The following TRPM3 variants were observed in gnomAD, a reference collection of about 807,000 sequenced individuals.
TRPM3 encodes long transient receptor potential channel 3.
Under a neutral mutation model 181.2 loss-of-function variants are expected in TRPM3, and 77 were observed. That is an observed-to-expected ratio of 0.42 (90% CI 0.35 to 0.51). The LOEUF (loss-of-function observed/expected upper bound fraction) is 0.51. TRPM3 is among the 20% of genes least tolerant of loss of function. The probability of loss-of-function intolerance (pLI) is 0.01; values close to 1 mark genes in which losing one functional copy is unlikely to be tolerated. For synonymous variants in TRPM3, 745 were observed against 796.4 expected, an observed-to-expected ratio of 0.94 and a Z score of 1.09; for missense variants, 1,759 against 2,196.7, an observed-to-expected ratio of 0.80 and a Z score of 3.98.
chr9:70,681,705 G>A (rs2065482096), intron 8 of TRPM3, 127 bp from the exon 9 acceptor site: 5 of 785,796 alleles, frequency 6.4e-6, no homozygotes, highest in South Asian at 1.6e-5. Flanking sequence ...CACAGGGTAA[G>A]CACACATAAC....
intron 1 of TRPM3, among the ~76,000 whole-genome samples, chr9:71,096,602 T>A (rs1451550709): frequency 9.4e-5 from 14 of 148,380 alleles, no homozygotes; most frequent in African/African-American, 1.5e-4. Context: ...TCTCTCTCTC[T>A]CTCTCTCTCT....
intron 1 of TRPM3, among the ~76,000 whole-genome samples, chr9:71,051,618 T>G (rs2060072004): frequency 6.6e-6 from 1 of 152,108 alleles, no homozygotes; most frequent in African/African-American, 2.4e-5. Context: ...GGTTATATAG[T>G]CTTATTGTAC....
chr9:70,660,752 C>T (rs2133923247), intron 9 of TRPM3, among the ~76,000 whole-genome samples: 1 of 151,682 alleles, frequency 6.6e-6, no homozygotes, highest in Non-Finnish European at 1.5e-5. Context: ...AAATAGAAAC[C>T]CTGAAAAGAC....
At chr9:71,049,196 C>T (rs769440334) in intron 1 of TRPM3, among the ~76,000 whole-genome samples, 1 of 151,962 alleles carries the variant, frequency 6.6e-6, no homozygotes, top group Non-Finnish European at 1.5e-5. Flanking sequence ...ATTGACTTAC[C>T]TTTATTATTA....
intron 20 of TRPM3, among the ~76,000 whole-genome samples, chr9:70,599,481 T>C (rs945485993): frequency 1.3e-5 from 2 of 152,196 alleles, no homozygotes; most frequent in Non-Finnish European, 2.9e-5. Context: ...CCATTACAAA[T>C]AGTGAAAAAT....
chr9:70,763,506 A>T (rs1376369223), intron 7 of TRPM3, among the ~76,000 whole-genome samples: 1 of 152,128 alleles, frequency 6.6e-6, no homozygotes, highest in Admixed American at 6.6e-5. Flanking sequence ...TGTCTAAAAA[A>T]AATTTATATT....
chr9:70,549,658 A>T lies in TRPM3; in HGVS notation c.3591T>A (p.Asp1197Glu). 6.2e-7 allele frequency: 1 copy of T among 1,608,454 alleles called. No individual in the cohort carries two copies. The highest frequency in any genetic ancestry group is 8.5e-7 in the Non-Finnish European group (1 of 1,179,182). Reference sequence around the variant, plus strand: ...AGTCATGTACTTTCTTGAGCTCATCATCGGTTATGAAGAGTTCTGTGGAAA... The same window carrying T: ...AGTCATGTACTTTCTTGAGCTCATCTTCGGTTATGAAGAGTTCTGTGGAAA... ...RDYGLKLFITDDELKKVHDFE... is the reference protein window; with the variant it reads ...RDYGLKLFITEDELKKVHDFE... The change falls in exon 25 of 26, where the codon GAT (aspartate) becomes GAA (glutamate). Residue 1197 changes from aspartate to glutamate, a missense_variant. By Grantham distance (45) the Asp-to-Glu change is conservative (BLOSUM62 2). Transcript: ENST00000677713.
At chr9:70,701,873 C>A (rs2072684700) in intron 8 of TRPM3, among the ~76,000 whole-genome samples, 1 of 151,110 alleles carries the variant, frequency 6.6e-6, no homozygotes, top group African/African-American at 2.4e-5. Flanking sequence ...CTACATCTTC[C>A]CAGTGATGTT....
rs1554730508 is a variant in TRPM3 at position 70,831,983 on chromosome 9, A to ATATATATTTATATATATATATT, written c.802-3966_802-3965insAATATATATATATAAATATATA. ...CATAAATATATATATATATATATAT[A>ATATATATTTATATATATATATT]TATATATATATATACCTACTATGTA... On this transcript the variant is annotated intron_variant, in intron 5 of 25. Transcript: ENST00000677713. 1.7e-3 allele frequency among the ~76,000 whole-genome samples: 178 copies of ATATATATTTATATATATATATT among 103,404 alleles called. 6 individuals carry two copies. The highest frequency in any genetic ancestry group is 6.9e-3 in the African/African-American group (163 of 23,590). 67.8% of individuals were successfully genotyped at this position (103,404 alleles called of 152,430 possible).
At chr9:71,283,287 A>ATTTCTTTCTTTCTTTTTC (rs1485097225) in intron 1 of TRPM3, among the ~76,000 whole-genome samples, 1 of 151,784 alleles carries the variant, frequency 6.6e-6, no homozygotes, top group Non-Finnish European at 1.5e-5. Context: ...ATGTGTCAGC[A>ATTTCTTTCTTTCTTTTTC]TTTCTTTCTT....
chr9:70,742,334 T>C (rs918907877), intron 8 of TRPM3, among the ~76,000 whole-genome samples: 1 of 152,126 alleles, frequency 6.6e-6, no homozygotes, highest in Non-Finnish European at 1.5e-5. Flanking sequence ...TAACTACATA[T>C]TTATGGGATA....
intron 19 of TRPM3, among the ~76,000 whole-genome samples, chr9:70,605,695 T>C (rs1195428782): frequency 1.3e-5 from 2 of 152,196 alleles, no homozygotes; most frequent in African/African-American, 2.4e-5. Flanking sequence ...AAAAGGACTT[T>C]AGTGGTTAAA....
At chr9:71,431,590 C>T (rs1023134954) in intron 1 of TRPM3, among the ~76,000 whole-genome samples, 1 of 152,138 alleles carries the variant, frequency 6.6e-6, no homozygotes, top group Non-Finnish European at 1.5e-5. Context: ...CTCTTTTTAT[C>T]ATCTTACCTC....
chr9:70,895,012 G>C (rs1281452977), intron 1 of TRPM3, among the ~76,000 whole-genome samples: 1 of 152,156 alleles, frequency 6.6e-6, no homozygotes, highest in South Asian at 2.1e-4. Flanking sequence ...TATCTTTTAA[G>C]AGCTTGTATT....
In TRPM3 at chr9:71,296,993, T is replaced by C. The variant is rs547720979; in HGVS notation, c.183+149660A>G. On this transcript the variant is annotated intron_variant, in intron 1 of 24. Coordinates refer to the TRPM3 transcript ENST00000357533. ...ACATGGGATGTGAATCTTTTCTTTT[T>C]TTTTTTTTTTTTTTTTGAGATGAAG... 3.3e-3 allele frequency among the ~76,000 whole-genome samples: 466 copies of C among 140,548 alleles called. 3 individuals are homozygous for C. The highest frequency in any genetic ancestry group is 9.1e-3 in the South Asian group (40 of 4,376). 92.2% of individuals were successfully genotyped at this position (140,548 alleles called of 152,430 possible).
At chr9:70,970,671 G>A (rs1332785213) in intron 1 of TRPM3, among the ~76,000 whole-genome samples, 1 of 152,148 alleles carries the variant, frequency 6.6e-6, no homozygotes, top group African/African-American at 2.4e-5. Flanking sequence ...GTAAAAGACT[G>A]AAGTTGAAAT....
chr9:70,546,676 G>GAAA (rs76948604), intron 25 of TRPM3, among the ~76,000 whole-genome samples: 1 of 86,584 alleles, frequency 1.2e-5, no homozygotes. Flanking sequence ...CTCCTCATCG[G>GAAA]AAAAAAAAAA....
chr9:70,616,130 G>T, intron 17 of TRPM3, 55 bp from the exon 18 acceptor site: 1 of 1,401,792 alleles, frequency 7.1e-7, no homozygotes, highest in Non-Finnish European at 9.6e-7. Context: ...TTAAGATTAG[G>T]GTGGTTGTTT....
chr9:70,672,651 TTA>T (rs2063196950), intron 9 of TRPM3, among the ~76,000 whole-genome samples: 1 of 152,216 alleles, frequency 6.6e-6, no homozygotes, highest in Non-Finnish European at 1.5e-5. Context: ...ATTCTTGCCA[TTA>T]TATTAGATAA....
Sources: gnomAD v4.1 joint callset for allele counts (sites outside exome capture counted in the v4.1 genomes callset) on GRCh38, gnomAD v4.1.1 for gene constraint, MANE v1.5 for transcripts, NCBI Gene and HGNC (gene_info 2026-07-23, HGNC 2026-07-21) for gene names.